The following C3orf70 variants were observed in gnomAD, a reference collection of about 807,000 sequenced individuals.
The protein encoded by C3orf70 is chromosome 3 open reading frame 70.
Under a neutral mutation model 20.7 loss-of-function variants are expected in C3orf70, and 15 were observed. The ratio of observed to expected loss-of-function variants is 0.72; its 90% CI spans 0.48 to 1.11. The LOEUF is 1.11. Among genes scored for constraint, C3orf70 ranks in the 50% most tolerant of loss-of-function variants. C3orf70 has a pLI of 0.00. For missense variants in C3orf70, 332 were observed against 317.6 expected (o/e 1.05, Z -0.34); for synonymous variants, 161 against 125.7 (o/e 1.28, Z -1.88).
intron 1 of C3orf70, among the ~76,000 whole-genome samples, chr3:185,102,569 A>T (rs1005451524): frequency 6.6e-6 from 1 of 152,208 alleles, no homozygotes; most frequent in Non-Finnish European, 1.5e-5. Context: ...TTTAAAATGC[A>T]CTGGAACCAA....
chr3:185,147,073 A>G (rs1472066252), intron 1 of C3orf70, among the ~76,000 whole-genome samples: 1 of 152,042 alleles, frequency 6.6e-6, no homozygotes, highest in Non-Finnish European at 1.5e-5. Flanking sequence ...TGGTTCTCCA[A>G]CTCCCATTTG....
Position 185,082,739 on chromosome 3 carries a change from G to T in C3orf70, c.*268C>A. On this transcript the variant is annotated 3_prime_UTR_variant, in exon 2 of 2. Transcript: ENST00000335012. Reference sequence around the variant, plus strand: ...CACTTCACCGCCTTCAAATCTCCCAGTGAAATTAAGGCGGGGTCACAATTC... The same window carrying T: ...CACTTCACCGCCTTCAAATCTCCCATTGAAATTAAGGCGGGGTCACAATTC... The T allele has an allele frequency of 2.5e-6, 1 of 394,450 alleles. No individual in the cohort carries two copies. Among genetic ancestry groups the T allele is most frequent in the Non-Finnish European group, 4.5e-6 (1 of 220,186 alleles). 24.4% of individuals were successfully genotyped at this position (394,450 alleles called of 1,614,324 possible). A position where few individuals can be genotyped will look rare whatever the true frequency, so the allele number is the denominator to read the frequency against.
intron 1 of C3orf70, among the ~76,000 whole-genome samples, chr3:185,086,905 C>A (rs958335851): frequency 6.6e-6 from 1 of 152,130 alleles, no homozygotes; most frequent in Middle Eastern, 3.2e-3. Context: ...TTTATAAACA[C>A]AGAAATAATT....
chr3:185,095,925 CG>C (rs1715691926), intron 1 of C3orf70, among the ~76,000 whole-genome samples: 2 of 151,856 alleles, frequency 1.3e-5, no homozygotes, highest in Non-Finnish European at 2.9e-5. Context: ...TTAGTAGAGA[CG>C]GGGTTTCACC....
Position 185,077,262 on chromosome 3 carries a change from G to A in C3orf70, c.*5745C>T, listed in dbSNP as rs544564985. 4.5e-4 allele frequency among the ~76,000 whole-genome samples: 69 copies of A among 152,280 alleles called. No homozygotes were observed. The highest frequency in any genetic ancestry group is 9.3e-4 in the Non-Finnish European group (63 of 68,024). On this transcript the variant is annotated 3_prime_UTR_variant, in exon 2 of 2. Coordinates refer to ENST00000335012, the MANE Select transcript of C3orf70 (RefSeq NM_001025266.3). The stretch of plus-strand genomic sequence containing the variant: ...ACTAGTCTGTGGGAAGGTATCTGCT[G>A]GGTTAGGGGGATGGAGTAATGCAGA...
At chr3:185,116,487 T>C (rs7635969) in intron 1 of C3orf70, among the ~76,000 whole-genome samples, 7,917 of 152,298 alleles carry the variant, frequency 0.052, 673 homozygotes, top group African/African-American at 0.18. Flanking sequence ...GGACAATTCT[T>C]GTGAAGAGCT....
chr3:185,111,665 T>C (rs1433716455), intron 1 of C3orf70, among the ~76,000 whole-genome samples: 2 of 152,060 alleles, frequency 1.3e-5, no homozygotes, highest in Non-Finnish European at 2.9e-5. Context: ...TGAAAAACAA[T>C]TTGGAAGAGT....
chr3:185,090,028 C>T (rs1353754082), intron 1 of C3orf70, among the ~76,000 whole-genome samples: 1 of 152,206 alleles, frequency 6.6e-6, no homozygotes, highest in African/African-American at 2.4e-5. Context: ...TTATTACATT[C>T]TCAAACTCTT....
chr3:185,080,780 A>C lies in C3orf70; in HGVS notation c.*2227T>G, dbSNP rs1107655. ...ACCTGAGCCATGCCCTGGCAGGGGG[A>C]AGCTCCTCATGCTCACACCTGCCTC... On this transcript the variant is annotated 3_prime_UTR_variant, in exon 2 of 2. Coordinates refer to ENST00000335012, the MANE Select transcript of C3orf70 (RefSeq NM_001025266.3). 116,008 of 151,744 alleles carry C rather than the reference A, an allele frequency of 0.76. 45,829 individuals carry two copies. Among genetic ancestry groups the C allele is most frequent in the Non-Finnish European group, 0.86 (58,323 of 67,938 alleles). 9.4% of individuals were successfully genotyped at this position (151,744 alleles called of 1,614,324 possible).
rs146226983 is a variant in C3orf70, at chr3:185,136,909, A to AAAC, written c.196+15716_196+15718dup. 1.1e-3 allele frequency among the ~76,000 whole-genome samples: 166 copies of AAAC among 149,896 alleles called. 1 individual carries two copies. Among genetic ancestry groups the AAAC allele is most frequent in the African/African-American group, 3.0e-3 (120 of 40,630 alleles). The stretch of plus-strand genomic sequence containing the variant: ...TGGGTGACAGAGCAAGACTGTCTCA[A>AAAC]AACAACAACAACAACAACAACAACA... On this transcript the variant is annotated intron_variant, in intron 1 of 1. Coordinates refer to ENST00000335012, the MANE Select transcript of C3orf70 (RefSeq NM_001025266.3).
In C3orf70 at chr3:185,077,797, G is replaced by GGA. The variant is rs386398763; in HGVS notation, c.*5209_*5210insTC. On this transcript the variant is annotated 3_prime_UTR_variant, in exon 2 of 2. Transcript: ENST00000335012. Reference sequence around the variant, plus strand: ...ATGCTATTTGGTGGTGGTGGGGGGGGGGTATCAAGTTTTATTTGCTATAAA... The same window carrying GGA: ...ATGCTATTTGGTGGTGGTGGGGGGGGGAGGTATCAAGTTTTATTTGCTATAAA... Among the ~76,000 whole-genome samples, 21 of 150,420 alleles carry GGA rather than the reference G, an allele frequency of 1.4e-4. 1 individual carries two copies. Among genetic ancestry groups the GGA allele is most frequent in the Admixed American group, 1.1e-3 (16 of 15,108 alleles).
At chr3:185,115,496 CCCTCTCTATGCCTTT>C (rs1716156542) in intron 1 of C3orf70, among the ~76,000 whole-genome samples, 1 of 152,128 alleles carries the variant, frequency 6.6e-6, no homozygotes, top group Non-Finnish European at 1.5e-5. Flanking sequence ...AACTCTTGGC[CCCTCTCTATGCCTTT>C]CCTCCCTATG....
chr3:185,091,942 TATATATATATATATATATATA>T (rs1561330851), intron 1 of C3orf70, among the ~76,000 whole-genome samples: 36 of 4,724 alleles, frequency 7.6e-3, no homozygotes, highest in African/African-American at 0.034. Context: ...TATATATATA[TATATATATATATATATATATA>T]TTTTTTTTTT....
rs146226983 is a variant in C3orf70, at chr3:185,136,909, AAACAACAACAAC to A, written c.196+15707_196+15718del. On this transcript the variant is annotated intron_variant, in intron 1 of 1. Transcript: ENST00000335012. ...TGGGTGACAGAGCAAGACTGTCTCA[AAACAACAACAAC>A]AACAACAACAACAACAACAACAACA... Among the ~76,000 whole-genome samples, 730 of 149,890 alleles carry A rather than the reference AAACAACAACAAC, an allele frequency of 4.9e-3. 3 individuals are homozygous for A. Among genetic ancestry groups the A allele is most frequent in the Middle Eastern group, 0.014 (4 of 288 alleles).
At chr3:185,091,713 C>T (rs1715573383) in intron 1 of C3orf70, among the ~76,000 whole-genome samples, 1 of 149,552 alleles carries the variant, frequency 6.7e-6, no homozygotes, top group Non-Finnish European at 1.5e-5. Flanking sequence ...GAGGCAGAGT[C>T]TTGCTCTGTT....
chr3:185,150,501 T>C (rs2108609024), intron 1 of C3orf70, among the ~76,000 whole-genome samples: 1 of 152,210 alleles, frequency 6.6e-6, no homozygotes, highest in Admixed American at 6.5e-5. Context: ...TCCAAAAATA[T>C]AAGTGTGAGA....
At chr3:185,124,839 AAGTG>A (rs1470487258) in intron 1 of C3orf70, among the ~76,000 whole-genome samples, 4 of 152,218 alleles carry the variant, frequency 2.6e-5, no homozygotes, top group Non-Finnish European at 5.9e-5. Flanking sequence ...TTTTTTAAAA[AAGTG>A]AGCAAACAAT....
chr3:185,114,156 G>A lies in C3orf70; in HGVS notation c.197-30593C>T, dbSNP rs779442176. ...ACAGGTTGTGGTGAGCCGAGATCAC[G>A]CCATTGCACTCCAGTCTGGGCAACA... On this transcript the variant is annotated intron_variant, in intron 1 of 1. Transcript: ENST00000335012. Among the ~76,000 whole-genome samples, 131 of 152,198 alleles carry A rather than the reference G, an allele frequency of 8.6e-4. 2 individuals are homozygous for A. Among genetic ancestry groups the A allele is most frequent in the Non-Finnish European group, 3.2e-4 (22 of 68,008 alleles).
At chr3:185,128,704 T>C (rs1196207674) in intron 1 of C3orf70, among the ~76,000 whole-genome samples, 1 of 152,258 alleles carries the variant, frequency 6.6e-6, no homozygotes, top group Non-Finnish European at 1.5e-5. Context: ...CCTCATTTTA[T>C]GTAAAACAGA....
Sources: allele counts gnomAD v4.1 joint callset (sites outside exome capture counted in the v4.1 genomes callset), GRCh38; gene constraint gnomAD v4.1.1; transcripts MANE v1.5; gene names NCBI Gene and HGNC (gene_info 2026-07-23, HGNC 2026-07-21).